Variants in TMEM131 observed in about 807,000 individuals in gnomAD.
TMEM131 encodes the protein 2610524E03Rik.
In TMEM131, 66 loss-of-function variants were observed where a neutral mutation model predicts 211.6. That is an observed-to-expected ratio of 0.31 (90% CI 0.26 to 0.38). TMEM131 has a LOEUF of 0.38. Among genes scored for constraint, TMEM131 ranks in the 10% least tolerant of loss-of-function variants. TMEM131 has a pLI of 1.00. For synonymous variants in TMEM131, 844 were observed against 841.3 expected (o/e 1.00, Z -0.06); for missense variants, 2,036 against 2,299.3 (o/e 0.89, Z 2.34).
At position 97,757,477 on chromosome 2, in the gene TMEM131, C is replaced by G; in HGVS notation, c.5368-94G>C. On this transcript the variant is annotated intron_variant, in intron 40 of 40. Coordinates refer to ENST00000186436, the MANE Select transcript of TMEM131 (RefSeq NM_015348.2). The stretch of plus-strand genomic sequence containing the variant: ...GGCTACAGAAAAGATGAGGCTGGGG[C>G]ACGCATTCCTCTTACTTTGTTTACT... 3 of 1,336,428 alleles carry G rather than the reference C, an allele frequency of 2.2e-6. 1 individual carries two copies. The South Asian group carries it at 4.3e-5, about 19-fold the overall frequency. The allele number at this position is 1,336,428 out of a possible 1,614,324, so 82.8% of individuals were successfully genotyped here. A position where few individuals can be genotyped will look rare whatever the true frequency, so the allele number is the denominator to read the frequency against.
Position 97,834,612 on chromosome 2 carries a change from T to C in TMEM131, c.1012+9A>G, listed in dbSNP as rs1682855312. The C allele has an allele frequency of 6.6e-6, 10 of 1,521,618 alleles. No individual in the cohort carries two copies. The highest frequency in any genetic ancestry group is 7.9e-6 in the Non-Finnish European group (9 of 1,140,024). 94.3% of individuals were successfully genotyped at this position (1,521,618 alleles called of 1,614,324 possible). A position where few individuals can be genotyped will look rare whatever the true frequency, so the allele number is the denominator to read the frequency against. ...ACTCCATAAAGACTCTTTTAAAAGA[T>C]TTTTTTACCTTGTGTTCTTAGTGTA... On this transcript the variant is annotated intron_variant, in intron 10 of 40. Coordinates refer to ENST00000186436, the MANE Select transcript of TMEM131 (RefSeq NM_015348.2).
chr2:97,846,908 C>T (rs556951368), intron 5 of TMEM131, among the ~76,000 whole-genome samples: 2 of 152,278 alleles, frequency 1.3e-5, no homozygotes, highest in East Asian at 1.9e-4. Flanking sequence ...AGGGCCGGCG[C>T]GGTGGCTCAC....
chr2:97,802,636 C>T lies in TMEM131; in HGVS notation c.2541+16G>A. 2 of 1,611,386 alleles carry T rather than the reference C, an allele frequency of 1.2e-6. No individual in the cohort carries two copies. Among genetic ancestry groups the T allele is most frequent in the Non-Finnish European group, 8.5e-7 (1 of 1,178,796 alleles). On this transcript the variant is annotated intron_variant, in intron 23 of 40. Transcript: ENST00000186436. ...AGTATGTATTTCCAAAAACCAATGT[C>T]ACTTTGAATACTTACTGAGGAGCAG...
rs189290568 is a variant in TMEM131 at position 97,912,025 on chromosome 2, A to T, written c.250-3327T>A. Among the ~76,000 whole-genome samples, 20 of 152,202 alleles carry T rather than the reference A, an allele frequency of 1.3e-4. 1 individual carries two copies. The highest frequency in any genetic ancestry group is 1.2e-3 in the Admixed American group (19 of 15,272). ...TAAGATAAACTCAACTGTTTATATA[A>T]AGACAAAAGGATTGCATCAAACAAC... On this transcript the variant is annotated intron_variant, in intron 2 of 40. Transcript: ENST00000186436.
rs368097007 is a variant in TMEM131, at chr2:97,762,109, C to T, written c.4815G>A (p.Pro1605=). ...AGGGGCAGGGGGCAGCTGGGGGAGA[C>T]GGGGAAGCAGGTGTCGGTGAGGTCT... ...QRQTSPTPAS[P]SPPAAPCPFV... is the part of the protein sequence containing the mutation. Residue 1605 remains proline, a synonymous_variant, in exon 36 of 41, where the codon CCG becomes CCA. Transcript: ENST00000186436. 29 of 1,612,360 alleles carry T rather than the reference C, an allele frequency of 1.8e-5. No homozygotes were observed. In the East Asian group the frequency reaches 2.2e-4, roughly 12 times the overall value.
chr2:97,809,464 C>T (rs571679524), intron 19 of TMEM131, among the ~76,000 whole-genome samples: 34 of 152,286 alleles, frequency 2.2e-4, no homozygotes, highest in Middle Eastern at 6.8e-3. Flanking sequence ...TTCTACATTC[C>T]GCTTTATAGC....
At chr2:97,912,021 TA>T (rs1676311395) in intron 2 of TMEM131, among the ~76,000 whole-genome samples, 1 of 152,170 alleles carries the variant, frequency 6.6e-6, no homozygotes, top group Admixed American at 6.5e-5. Context: ...CAACTGTTTA[TA>T]TAAAGACAAA....
intron 1 of TMEM131, among the ~76,000 whole-genome samples, chr2:97,958,746 G>A (rs1428898696): frequency 6.6e-6 from 1 of 152,206 alleles, no homozygotes; most frequent in Non-Finnish European, 1.5e-5. Flanking sequence ...GCTATGCAAG[G>A]AAAAATGCTG....
intron 11 of TMEM131, among the ~76,000 whole-genome samples, chr2:97,822,020 T>C (rs1211892653): frequency 6.6e-6 from 1 of 152,184 alleles, no homozygotes; most frequent in Admixed American, 6.5e-5. Context: ...AAGCGAGACT[T>C]GCCTATCTAT....
intron 32 of TMEM131, 66 bp from the exon 33 acceptor site, chr2:97,772,490 AAG>A (rs1246770038): frequency 1.4e-5 from 22 of 1,520,148 alleles, no homozygotes; most frequent in African/African-American, 5.6e-5. Context: ...GTTCCATTTT[AAG>A]ATACAGACAC....
intron 1 of TMEM131, among the ~76,000 whole-genome samples, chr2:97,984,228 G>C (rs1018739850): frequency 3.3e-5 from 5 of 152,046 alleles, no homozygotes; most frequent in Admixed American, 3.3e-4. Flanking sequence ...TTTAATAACT[G>C]CTTGTGCTAG....
At chr2:97,869,599 A>G (rs954252958) in intron 4 of TMEM131, among the ~76,000 whole-genome samples, 33 of 152,232 alleles carry the variant, frequency 2.2e-4, no homozygotes, top group African/African-American at 7.7e-4. Context: ...CAAACAGGGC[A>G]GGCTGCCTCT....
intron 11 of TMEM131, 81 bp downstream of exon 11, chr2:97,833,284 G>A (rs1319251725): frequency 1.5e-6 from 1 of 685,036 alleles, no homozygotes; most frequent in Non-Finnish European, 2.4e-6. Flanking sequence ...TTTAGAATAA[G>A]GGTTTAATTA....
Position 97,829,639 on chromosome 2 carries a change from T to C in TMEM131, c.1074+3726A>G, listed in dbSNP as rs559454095. Among the ~76,000 whole-genome samples, 277 of 152,306 alleles carry C rather than the reference T, an allele frequency of 1.8e-3. 1 individual carries two copies. Among genetic ancestry groups the C allele is most frequent in the African/African-American group, 6.3e-3 (261 of 41,568 alleles). On this transcript the variant is annotated intron_variant, in intron 11 of 40. Coordinates refer to ENST00000186436, the MANE Select transcript of TMEM131 (RefSeq NM_015348.2). ...GGGTCCCCTTCCACGCTGTGGAAGC[T>C]TTGTTCTTTCGCTCTTAATAAATCT...
chr2:97,969,901 C>A (rs1281514272), intron 1 of TMEM131, among the ~76,000 whole-genome samples: 1 of 152,200 alleles, frequency 6.6e-6, no homozygotes. Context: ...GTGCCTTTCA[C>A]AACGATCTGT....
intron 17 of TMEM131, 132 bp from the exon 18 acceptor site, chr2:97,811,364 T>C (rs1410464224): frequency 5.3e-5 from 36 of 681,276 alleles, no homozygotes; most frequent in East Asian, 4.4e-4. Context: ...TGAATTACCA[T>C]ATCACTGTGT....
Position 97,927,436 on chromosome 2 carries a change from C to A in TMEM131, c.239G>T (p.Gly80Val). The A allele has an allele frequency of 6.3e-7, 1 of 1,588,700 alleles. No individual in the cohort carries two copies. The highest frequency in any genetic ancestry group is 1.2e-5 in the South Asian group (1 of 84,816). ...TTAAAAAAAAATTACCTGTAGTAGC[C>A]CTCCATCATCAAAACGCAGTACTTC... The part of the protein sequence containing the change: ...IIEVLRFDDG[G>V]LLQTETTLGL... Residue 80 changes from glycine (G) to valine (V), a missense_variant, in exon 2 of 41, where the codon GGG (glycine) becomes GTG (valine). Gly to Val is a moderately radical substitution (Grantham distance 109). Transcript: ENST00000186436.
At chr2:97,879,600 A>G (rs1425765578) in intron 4 of TMEM131, among the ~76,000 whole-genome samples, 1 of 152,064 alleles carries the variant, frequency 6.6e-6, no homozygotes, top group Non-Finnish European at 1.5e-5. Flanking sequence ...GTCCACACGG[A>G]TTTTCTTCCG....
At chr2:97,971,733 A>G (rs756181806) in intron 1 of TMEM131, among the ~76,000 whole-genome samples, 1 of 152,210 alleles carries the variant, frequency 6.6e-6, no homozygotes, top group Non-Finnish European at 1.5e-5. Context: ...ATGGTGGTGC[A>G]TGCCTATAGT....
Sources: gnomAD v4.1 joint callset for allele counts (sites outside exome capture counted in the v4.1 genomes callset) on GRCh38, gnomAD v4.1.1 for gene constraint, MANE v1.5 for transcripts, NCBI Gene and HGNC (gene_info 2026-07-23, HGNC 2026-07-21) for gene names.